The following RAB5C variants were observed in gnomAD, a reference collection of about 807,000 sequenced individuals.
The protein encoded by RAB5C is RAB5C, member RAS oncogene family.
A neutral mutation model predicts 25.2 loss-of-function variants in RAB5C; 4 were observed. The observed-to-expected ratio is 0.16, with a 90% CI of 0.08 to 0.36. RAB5C has a LOEUF of 0.36. Ranked by LOEUF, RAB5C falls within the 10% of genes least tolerant of loss-of-function variation. RAB5C has a pLI of 1.00. For synonymous variants in RAB5C, 100 were observed against 106.4 expected (o/e 0.94, Z 0.37); for missense variants, 199 against 283.8 (o/e 0.70, Z 2.15).
intron 1 of RAB5C, among the ~76,000 whole-genome samples, chr17:42,144,787 CG>C (rs2079622361): frequency 6.6e-6 from 1 of 151,730 alleles, no homozygotes. Flanking sequence ...ATTAGCTGGG[CG>C]TGGTGGCGGG....
rs746222900 is a variant in RAB5C, at chr17:42,128,799, C to T, written c.168G>A (p.Ala56=). ...GGCAGACAGTCTGTGTGAGGAAGGCCGCTGTAAGAGAGAAGGAGCGTCCAT... is the reference window on the plus strand; with the variant it reads ...GGCAGACAGTCTGTGTGAGGAAGGCTGCTGTAAGAGAGAAGGAGCGTCCAT... ...FHEYQESTIG[A]AFLTQTVCLD... The change falls in exon 3 of 6, where the codon GCG becomes GCA. Residue 56 remains alanine, a splice_region_variant and synonymous_variant. Transcript: ENST00000346213. The T allele has an allele frequency of 1.2e-5, 18 of 1,506,084 alleles. No individual in the cohort carries two copies. Among genetic ancestry groups the T allele is most frequent in the Middle Eastern group, 1.8e-4 (1 of 5,608 alleles). 93.3% of individuals were successfully genotyped at this position (1,506,084 alleles called of 1,614,324 possible).
chr17:42,153,593 C>T (rs2079686051), intron 1 of RAB5C, among the ~76,000 whole-genome samples: 1 of 152,176 alleles, frequency 6.6e-6, no homozygotes, highest in South Asian at 2.1e-4. Context: ...TGAAGAGCTA[C>T]AGAAGTTCCC....
intron 1 of RAB5C, among the ~76,000 whole-genome samples, chr17:42,151,840 T>C (rs1406291629): frequency 1.3e-5 from 2 of 151,750 alleles, no homozygotes; most frequent in African/African-American, 4.8e-5. Flanking sequence ...AGACAGGAGG[T>C]CGGGTAGACG....
intron 1 of RAB5C, among the ~76,000 whole-genome samples, chr17:42,149,102 C>T (rs1332992768): frequency 1.3e-5 from 2 of 152,110 alleles, no homozygotes; most frequent in East Asian, 1.9e-4. Flanking sequence ...AAAAATATTC[C>T]GATTCTCCTC....
In RAB5C at chr17:42,145,044, A is replaced by G. The variant is rs1396598578; in HGVS notation, c.-89+9849T>C. ...GCCGGGTGTGGTGGCGCGCGCCTAT[A>G]GGCCTGTAGTCCCAGCTACTCGGGA... On this transcript the variant is annotated intron_variant, in intron 1 of 5. Coordinates refer to ENST00000346213, the MANE Select transcript of RAB5C (RefSeq NM_004583.4). Among the ~76,000 whole-genome samples, 10 of 128,492 alleles carry G rather than the reference A, an allele frequency of 7.8e-5. No individual in the cohort carries two copies. The Admixed American group carries it at 8.8e-4, about 11-fold the overall frequency. The allele number at this position is 128,492 out of a possible 152,430, so 84.3% of individuals were successfully genotyped here.
At chr17:42,145,409 T>C (rs1004913294) in intron 1 of RAB5C, among the ~76,000 whole-genome samples, 3 of 152,114 alleles carry the variant, frequency 2.0e-5, no homozygotes, top group Admixed American at 2.0e-4. Flanking sequence ...GGCTTGTGGA[T>C]TGTATGTACC....
intron 1 of RAB5C, chr17:42,131,795 C>A: frequency 1.7e-6 from 1 of 572,294 alleles, no homozygotes; most frequent in South Asian, 2.0e-5. Flanking sequence ...GAATTGCAGA[C>A]ACATGAGGAG....
intron 5 of RAB5C, 63 bp from the exon 6 acceptor site, chr17:42,125,961 G>A: frequency 7.7e-7 from 1 of 1,305,514 alleles, no homozygotes; most frequent in Admixed American, 2.0e-5. Flanking sequence ...CAGTTCCACT[G>A]GAGCAGATTC....
intron 1 of RAB5C, among the ~76,000 whole-genome samples, chr17:42,150,035 C>T (rs538913526): frequency 9.9e-5 from 15 of 152,036 alleles, no homozygotes; most frequent in Non-Finnish European, 1.8e-4. Context: ...CAGGCATGTG[C>T]CACCACGCCT....
chr17:42,127,373 G>C (rs947311323), intron 4 of RAB5C, among the ~76,000 whole-genome samples: 5 of 152,194 alleles, frequency 3.3e-5, no homozygotes, highest in African/African-American at 1.2e-4. Context: ...AGGGTTAGCA[G>C]AGACTTAAGT....
At chr17:42,138,221 G>A (rs2054557406) in intron 1 of RAB5C, among the ~76,000 whole-genome samples, 2 of 152,152 alleles carry the variant, frequency 1.3e-5, no homozygotes, top group Non-Finnish European at 2.9e-5. Flanking sequence ...GGGGTTGGGG[G>A]ATGGAATCAA....
chr17:42,145,352 A>G (rs1366591370), intron 1 of RAB5C, among the ~76,000 whole-genome samples: 1 of 152,172 alleles, frequency 6.6e-6, no homozygotes, highest in African/African-American at 2.4e-5. Context: ...GAAGCCTCAC[A>G]CACATCACCT....
At position 42,134,103 on chromosome 17, in the gene RAB5C, G is replaced by A. The variant is rs576499750; in HGVS notation, c.-88-3513C>T. Among the ~76,000 whole-genome samples, 157 of 152,204 alleles carry A rather than the reference G, an allele frequency of 1.0e-3. 1 individual carries two copies. Among genetic ancestry groups the A allele is most frequent in the African/African-American group, 3.4e-3 (141 of 41,516 alleles). ...CCAAGGAAGCCAATTTTGCTAGGAA[G>A]GGCGCACGGAGATATGAGGGTGTCT... On this transcript the variant is annotated intron_variant, in intron 1 of 5. Transcript: ENST00000346213.
At chr17:42,140,512 TA>T (rs1351510104) in intron 1 of RAB5C, among the ~76,000 whole-genome samples, 80 of 33,866 alleles carry the variant, frequency 2.4e-3, no homozygotes, top group African/African-American at 3.8e-3. Context: ...TATATATATA[TA>T]TATTTTTTTT....
Position 42,125,753 on chromosome 17 carries a change from A to C in RAB5C, c.*30T>G, listed in dbSNP as rs781854269. ...TCCAGTCGGGTCATTCAGGCGGAGG[A>C]GGCGGGGGCAGCGGGCAGGCAAGGG... On this transcript the variant is annotated 3_prime_UTR_variant, in exon 6 of 6. Coordinates refer to ENST00000346213, the MANE Select transcript of RAB5C (RefSeq NM_004583.4). 5.4e-6 allele frequency: 8 copies of C among 1,489,334 alleles called. No homozygotes were observed. The Admixed American group carries it at 5.7e-5, about 11-fold the overall frequency. The allele number at this position is 1,489,334 out of a possible 1,614,324, so 92.3% of individuals were successfully genotyped here.
chr17:42,150,406 T>C (rs1454981785), intron 1 of RAB5C, among the ~76,000 whole-genome samples: 1 of 149,896 alleles, frequency 6.7e-6, no homozygotes, highest in East Asian at 2.0e-4. Flanking sequence ...TAGCTGGGCA[T>C]GGTGGCACAC....
intron 1 of RAB5C, among the ~76,000 whole-genome samples, chr17:42,148,288 C>G (rs2079649288): frequency 6.6e-6 from 1 of 150,854 alleles, no homozygotes; most frequent in African/African-American, 2.5e-5. Context: ...ACCTGTAATC[C>G]CAGGTACTAG....
At chr17:42,147,266 C>G (rs2079643690) in intron 1 of RAB5C, among the ~76,000 whole-genome samples, 1 of 152,168 alleles carries the variant, frequency 6.6e-6, no homozygotes, top group Admixed American at 6.5e-5. Context: ...GTGGAATACA[C>G]ATGTGAGGGC....
intron 1 of RAB5C, among the ~76,000 whole-genome samples, chr17:42,150,627 G>A (rs528152652): frequency 6.7e-6 from 1 of 148,988 alleles, no homozygotes; most frequent in African/African-American, 2.5e-5. Flanking sequence ...GGAGGCCGAT[G>A]AGGCGGGCAG....
Sources: gnomAD v4.1 joint callset for allele counts (sites outside exome capture counted in the v4.1 genomes callset) on GRCh38, gnomAD v4.1.1 for gene constraint, MANE v1.5 for transcripts, NCBI Gene and HGNC (gene_info 2026-07-23, HGNC 2026-07-21) for gene names.